SPAG17: variants seen among roughly 807,000 people sequenced by gnomAD.
SPAG17 encodes the protein sperm associated antigen 17.
Under a neutral mutation model 273.6 loss-of-function variants are expected in SPAG17, and 169 were observed. That is an observed-to-expected ratio of 0.62 (90% confidence interval 0.55 to 0.70). The LOEUF is 0.70. SPAG17 is among the 30% of genes least tolerant of loss of function. SPAG17 has a pLI of 0.00. For synonymous variants in SPAG17, 825 were observed against 873.2 expected (o/e 0.94, Z 0.97); for missense variants, 2,557 against 2,627.8 (o/e 0.97, Z 0.59).
At chr1:118,070,747 T>C (rs1653490608) in intron 17 of SPAG17, among the ~76,000 whole-genome samples, 1 of 152,218 alleles carries the variant, frequency 6.6e-6, no homozygotes, top group African/African-American at 2.4e-5. Context: ...CATTTCAACA[T>C]ATAAACAATG....
At chr1:117,991,690 T>C (rs576690204) in intron 36 of SPAG17, among the ~76,000 whole-genome samples, 162 bp from the exon 37 acceptor site, 2 of 152,290 alleles carry the variant, frequency 1.3e-5, no homozygotes, top group Admixed American at 1.3e-4. Flanking sequence ...GACTTTTTCT[T>C]AATATGTTAA....
At chr1:118,070,774 C>T (rs1273274168) in intron 17 of SPAG17, among the ~76,000 whole-genome samples, 1 of 152,064 alleles carries the variant, frequency 6.6e-6, no homozygotes, top group Non-Finnish European at 1.5e-5. Flanking sequence ...TAATCAATGC[C>T]ACCTTTTTAA....
chr1:118,159,174 T>C (rs1342793874), intron 1 of SPAG17, among the ~76,000 whole-genome samples: 1 of 152,208 alleles, frequency 6.6e-6, no homozygotes, highest in Non-Finnish European at 1.5e-5. Flanking sequence ...GCGCATTCCT[T>C]TGATGTTTAG....
At chr1:118,113,707 C>T (rs145840360) in intron 4 of SPAG17, among the ~76,000 whole-genome samples, 9 of 152,178 alleles carry the variant, frequency 5.9e-5, no homozygotes, top group Admixed American at 5.9e-4. Context: ...AAGGTTCATG[C>T]CCCAGTTACC....
At chr1:117,977,608 A>C (rs1655281867) in intron 43 of SPAG17, among the ~76,000 whole-genome samples, 1 of 152,172 alleles carries the variant, frequency 6.6e-6, no homozygotes, top group East Asian at 1.9e-4. Flanking sequence ...CTTTGTGTTA[A>C]TTCCTTCCTA....
In SPAG17 at chr1:118,031,729, A is replaced by G. The variant is rs752027681; in HGVS notation, c.3572T>C (p.Leu1191Pro). The G allele has an allele frequency of 1.2e-5, 20 of 1,613,660 alleles. No homozygotes were observed. The highest frequency in any genetic ancestry group is 1.6e-5 in the Non-Finnish European group (19 of 1,179,844). Residue 1191 changes from leucine to proline, a missense_variant, in exon 25 of 49, where the codon CTT (leucine) becomes CCT (proline). By Grantham distance (98) the Leu-to-Pro change is moderately conservative (BLOSUM62 -3). Transcript: ENST00000336338. ...TTCTTTTGGGTGTTCTTCTTCTTTA[A>G]GGGATTCTTTGGGTTTTTCTTTGCC... Reference protein sequence around the residue: ...IKGKEKPKESLKEEEHPKEEE... With the variant: ...IKGKEKPKESPKEEEHPKEEE...
In SPAG17 at chr1:118,086,086, G is replaced by A; in HGVS notation, c.1612-14C>T. 1 of 1,612,752 alleles carries A rather than the reference G, an allele frequency of 6.2e-7. No individual in the cohort carries two copies. The highest frequency in any genetic ancestry group is 8.5e-7 in the Non-Finnish European group (1 of 1,179,554). On this transcript the variant is annotated splice_polypyrimidine_tract_variant and intron_variant, in intron 12 of 48. Transcript: ENST00000336338. ...ATTCTTTTGGTCCTGATGAAAAAGA[G>A]CAACATGACAGAAGACATTAGAGTA...
chr1:118,166,717 ATTT>A (rs1346906747), intron 1 of SPAG17, among the ~76,000 whole-genome samples: 1 of 152,118 alleles, frequency 6.6e-6, no homozygotes, highest in Admixed American at 6.5e-5. Context: ...TGCAGGTGCT[ATTT>A]TGTCTAGCCC....
chr1:118,110,661 T>C (rs1007242825), intron 4 of SPAG17, among the ~76,000 whole-genome samples: 4 of 152,190 alleles, frequency 2.6e-5, no homozygotes, highest in African/African-American at 9.7e-5. Context: ...TGGTGAGTTT[T>C]GTTCCTTCCC....
rs778919212 is a variant in SPAG17, at chr1:117,973,566, T to TA, written c.6005-6dup. 3 of 1,612,786 alleles carry TA rather than the reference T, an allele frequency of 1.9e-6. No individual in the cohort carries two copies. The South Asian group carries it at 3.3e-5, about 18-fold the overall frequency. On this transcript the variant is annotated splice_polypyrimidine_tract_variant and splice_region_variant and intron_variant, in intron 43 of 48. Transcript: ENST00000336338. Reference sequence around the variant, plus strand: ...CGGGCTCATAAGATTCTGCTTCTGTTAGAGAGAAAGCTTAAATTATGCCAC... The same window carrying TA: ...CGGGCTCATAAGATTCTGCTTCTGTTAAGAGAGAAAGCTTAAATTATGCCAC...
rs3738422 is a variant in SPAG17 at position 117,966,655 on chromosome 1, G to C, written c.6486C>G (p.Ile2162Met). Reference sequence around the variant, plus strand: ...GAACCTCATGCTCTGTCATAATCTCGATATTGTGAGAGATGTGTGCTGATC... The same window carrying C: ...GAACCTCATGCTCTGTCATAATCTCCATATTGTGAGAGATGTGTGCTGATC... ...AKGSAHISHN[I>M]EIMTEHEVLF... Residue 2162 changes from isoleucine to methionine, a missense_variant, in exon 47 of 49, where the codon ATC becomes ATG. Coordinates refer to ENST00000336338, the MANE Select transcript of SPAG17 (RefSeq NM_206996.4). The C allele has an allele frequency of 6.2e-7, 1 of 1,613,620 alleles. No individual in the cohort carries two copies. The highest frequency in any genetic ancestry group is 8.5e-7 in the Non-Finnish European group (1 of 1,179,830).
chr1:118,154,993 C>T (rs969216971), intron 1 of SPAG17, among the ~76,000 whole-genome samples: 6 of 151,956 alleles, frequency 3.9e-5, no homozygotes, highest in South Asian at 2.1e-4. Context: ...TCTGTCACAC[C>T]GAAAGCACCT....
intron 13 of SPAG17, among the ~76,000 whole-genome samples, chr1:118,083,478 T>C (rs979421449): frequency 6.6e-6 from 1 of 151,968 alleles, no homozygotes; most frequent in Non-Finnish European, 1.5e-5. Context: ...TGGGATTGAT[T>C]GCAGTGTGTG....
intron 13 of SPAG17, among the ~76,000 whole-genome samples, chr1:118,083,062 A>G (rs1036803028): frequency 6.6e-6 from 1 of 151,978 alleles, no homozygotes; most frequent in African/African-American, 2.4e-5. Flanking sequence ...AGTGCAGGTG[A>G]TTCTCCCACC....
intron 18 of SPAG17, among the ~76,000 whole-genome samples, chr1:118,065,916 G>A (rs971149026): frequency 6.6e-6 from 1 of 151,986 alleles, no homozygotes; most frequent in African/African-American, 2.4e-5. Context: ...TTAAATTGGA[G>A]ATCCTAGCCA....
chr1:118,149,685 G>C (rs1212975035), intron 3 of SPAG17, among the ~76,000 whole-genome samples: 1 of 152,146 alleles, frequency 6.6e-6, no homozygotes, highest in African/African-American at 2.4e-5. Context: ...TAAATAGACC[G>C]TATGTAATCA....
At chr1:118,175,097 C>G (rs1390799448) in intron 1 of SPAG17, among the ~76,000 whole-genome samples, 1 of 152,152 alleles carries the variant, frequency 6.6e-6, no homozygotes, top group Non-Finnish European at 1.5e-5. Flanking sequence ...GTGGCGCAAT[C>G]TTGGCTCACT....
intron 43 of SPAG17, among the ~76,000 whole-genome samples, chr1:117,980,368 AT>A (rs1019795840): frequency 6.6e-6 from 1 of 152,094 alleles, no homozygotes; most frequent in African/African-American, 2.4e-5. Flanking sequence ...GGTAGCTAGC[AT>A]TACAGGCAAG....
chr1:118,012,555 T>G (rs186255050), intron 29 of SPAG17, among the ~76,000 whole-genome samples, 183 bp from the exon 30 acceptor site: 1 of 152,320 alleles, frequency 6.6e-6, no homozygotes, highest in East Asian at 1.9e-4. Flanking sequence ...CCTCATTTTA[T>G]AGATGAGGAA....
Sources: gnomAD v4.1 joint callset for allele counts (sites outside exome capture counted in the v4.1 genomes callset) on GRCh38, gnomAD v4.1.1 for gene constraint, MANE v1.5 for transcripts, NCBI Gene and HGNC (gene_info 2026-07-23, HGNC 2026-07-21) for gene names.